NKAIN3: variants seen among roughly 807,000 people sequenced by gnomAD.
NKAIN3 encodes the protein sodium/potassium transporting ATPase interacting 3, also known as sodium/potassium-transporting ATPase subunit beta-1-interacting protein 3.
In NKAIN3, 25 loss-of-function variants were observed where a neutral mutation model predicts 30.2. The observed-to-expected ratio is 0.83, with a 90% CI of 0.60 to 1.16. The LOEUF is 1.16. NKAIN3 is among the 50% of genes most tolerant of loss of function. The probability of loss-of-function intolerance (pLI) is 0.00; values close to 1 mark genes in which losing one functional copy is unlikely to be tolerated. For synonymous variants in NKAIN3, 91 were observed against 89.6 expected, an observed-to-expected ratio of 1.02 and a Z score of -0.09; for missense variants, 225 against 254.1, an observed-to-expected ratio of 0.89 and a Z score of 0.78.
intron 1 of NKAIN3, among the ~76,000 whole-genome samples, chr8:62,494,077 A>T (rs560651621): frequency 1.3e-5 from 2 of 152,314 alleles, no homozygotes; most frequent in East Asian, 3.9e-4. Context: ...AGGAGTGATT[A>T]GAAAGGACAT....
At chr8:62,424,737 G>A (rs572464754) in intron 1 of NKAIN3, among the ~76,000 whole-genome samples, 2 of 152,032 alleles carry the variant, frequency 1.3e-5, no homozygotes, top group East Asian at 1.9e-4. Context: ...ACAGTATGCA[G>A]TGTCCTTAGA....
intron 1 of NKAIN3, among the ~76,000 whole-genome samples, chr8:62,356,043 A>C (rs1366455264): frequency 1.3e-5 from 2 of 152,208 alleles, no homozygotes; most frequent in African/African-American, 2.4e-5. Flanking sequence ...AACCCTAGCG[A>C]GTAATCCTAA....
chr8:62,904,357 T>C (rs916680597), intron 4 of NKAIN3, among the ~76,000 whole-genome samples: 2 of 152,256 alleles, frequency 1.3e-5, no homozygotes, highest in Non-Finnish European at 2.9e-5. Context: ...TTTGGTTTCA[T>C]GTAAAATCAA....
chr8:62,609,800 A>G (rs976294461), intron 3 of NKAIN3, among the ~76,000 whole-genome samples: 38 of 152,270 alleles, frequency 2.5e-4, no homozygotes, highest in African/African-American at 9.1e-4. Context: ...TGGCATGCAC[A>G]AAGAACTGAA....
rs574822193 is a variant in NKAIN3 at position 62,536,176 on chromosome 8, T to A, written c.55-43363T>A. Among the ~76,000 whole-genome samples, 4 of 152,230 alleles carry A rather than the reference T, an allele frequency of 2.6e-5. No homozygotes were observed. In the South Asian group the frequency reaches 8.3e-4, roughly 32 times the overall value. The stretch of plus-strand genomic sequence containing the variant: ...GAGCATTAATTATAAGTGAAGCCAT[T>A]TGGAACATGAATAAAGAATGCTTAT... On this transcript the variant is annotated intron_variant, in intron 1 of 6. Transcript: ENST00000623646.
At chr8:62,923,844 T>C (rs1188209608) in intron 5 of NKAIN3, among the ~76,000 whole-genome samples, 3 of 152,158 alleles carry the variant, frequency 2.0e-5, no homozygotes, top group Non-Finnish European at 2.9e-5. Context: ...AGTGCTCTGG[T>C]TGAGTGACAA....
chr8:62,430,580 A>G (rs1804965064), intron 1 of NKAIN3, among the ~76,000 whole-genome samples: 1 of 151,812 alleles, frequency 6.6e-6, no homozygotes, highest in African/African-American at 2.4e-5. Context: ...GTTCTAATTT[A>G]TTCACATTCT....
intron 3 of NKAIN3, among the ~76,000 whole-genome samples, chr8:62,725,358 C>T (rs967786186): frequency 1.3e-5 from 2 of 152,042 alleles, no homozygotes; most frequent in African/African-American, 4.8e-5. Flanking sequence ...ATTTGCTGTG[C>T]AGAAGCTTTT....
At chr8:62,454,187 A>G (rs1195928086) in intron 1 of NKAIN3, among the ~76,000 whole-genome samples, 1 of 151,504 alleles carries the variant, frequency 6.6e-6, no homozygotes, top group African/African-American at 2.4e-5. Context: ...ATGCTACTTC[A>G]ATTTATATAT....
At chr8:62,846,009 G>A (rs1282093339) in intron 4 of NKAIN3, among the ~76,000 whole-genome samples, 1 of 152,124 alleles carries the variant, frequency 6.6e-6, no homozygotes, top group East Asian at 1.9e-4. Context: ...AGTGAATTCA[G>A]AATGTCAAGT....
At chr8:62,615,778 T>G (rs2130202820) in intron 3 of NKAIN3, among the ~76,000 whole-genome samples, 1 of 152,220 alleles carries the variant, frequency 6.6e-6, no homozygotes, top group South Asian at 2.1e-4. Flanking sequence ...GTGACACAAT[T>G]GCTGTGTTGT....
At chr8:62,761,073 A>T (rs994173004) in intron 4 of NKAIN3, among the ~76,000 whole-genome samples, 9 of 152,160 alleles carry the variant, frequency 5.9e-5, no homozygotes, top group Non-Finnish European at 1.0e-4. Context: ...AGGATTTTTT[A>T]AAATTTTTTA....
chr8:62,337,720 T>G (rs1034665408), intron 1 of NKAIN3, among the ~76,000 whole-genome samples: 3 of 152,016 alleles, frequency 2.0e-5, no homozygotes, highest in Non-Finnish European at 4.4e-5. Context: ...GAAACAAGTT[T>G]CTTCACATAG....
At chr8:62,380,847 TCAATC>T (rs1817254212) in intron 1 of NKAIN3, among the ~76,000 whole-genome samples, 1 of 152,176 alleles carries the variant, frequency 6.6e-6, no homozygotes, top group East Asian at 1.9e-4. Context: ...ACAGGTGAAT[TCAATC>T]AAACATTCAT....
intron 1 of NKAIN3, among the ~76,000 whole-genome samples, chr8:62,264,983 A>G (rs1298534068): frequency 6.6e-5 from 10 of 152,166 alleles, no homozygotes; most frequent in Admixed American, 6.5e-4. Context: ...GAAAGGAGCC[A>G]TGTGATATTT....
chr8:62,796,477 T>C (rs1432637399), intron 4 of NKAIN3, among the ~76,000 whole-genome samples: 1 of 150,458 alleles, frequency 6.6e-6, no homozygotes, highest in African/African-American at 2.4e-5. Context: ...TCAATTTGTC[T>C]AGATGATTAC....
At chr8:62,391,500 T>C (rs1448810755) in intron 1 of NKAIN3, among the ~76,000 whole-genome samples, 5 of 151,522 alleles carry the variant, frequency 3.3e-5, no homozygotes, top group African/African-American at 1.2e-4. Context: ...AGATGAGAAC[T>C]AGAGAAAAAG....
chr8:62,867,682 A>T (rs1230272286), intron 4 of NKAIN3, among the ~76,000 whole-genome samples: 2 of 152,234 alleles, frequency 1.3e-5, no homozygotes, highest in African/African-American at 4.8e-5. Context: ...ATTTCATACT[A>T]AAACGCACTG....
chr8:62,305,222 ATTGCTTC>A (rs1373750875), intron 1 of NKAIN3, among the ~76,000 whole-genome samples: 3 of 149,690 alleles, frequency 2.0e-5, no homozygotes, highest in Non-Finnish European at 2.9e-5. Context: ...ATCCATTTTT[ATTGCTTC>A]TTTAGTTGTT....
Sources: gnomAD v4.1 joint callset for allele counts (sites outside exome capture counted in the v4.1 genomes callset) on GRCh38, gnomAD v4.1.1 for gene constraint, MANE v1.5 for transcripts, NCBI Gene and HGNC (gene_info 2026-07-23, HGNC 2026-07-21) for gene names.